Variants in TENM2 observed in about 807,000 individuals in gnomAD.
TENM2 encodes the protein teneurin-2.
A neutral mutation model predicts 245.2 loss-of-function variants in TENM2; 52 were observed. That is an observed-to-expected ratio of 0.21 (90% confidence interval 0.17 to 0.27). The LOEUF is 0.27. Among genes scored for constraint, TENM2 ranks in the 10% least tolerant of loss-of-function variants. The pLI, the probability that TENM2 is intolerant of heterozygous loss-of-function variation, is 1.00. For missense variants in TENM2, 3,046 were observed against 3,666.8 expected (o/e 0.83, Z 4.37); for synonymous variants, 1,363 against 1,438.9 (o/e 0.95, Z 1.19).
intron 2 of TENM2, among the ~76,000 whole-genome samples, chr5:167,498,144 C>A (rs566711336): frequency 6.6e-6 from 1 of 152,116 alleles, no homozygotes; most frequent in Non-Finnish European, 1.5e-5. Flanking sequence ...GAGCAGCATG[C>A]TTTTAATGTT....
intron 2 of TENM2, among the ~76,000 whole-genome samples, chr5:167,464,638 T>G (rs2127498225): frequency 6.6e-6 from 1 of 152,288 alleles, no homozygotes; most frequent in Middle Eastern, 3.4e-3. Context: ...GAGCTATAAA[T>G]GCACTCACCT....
chr5:167,142,473 A>T, the TENM2 span, among the ~76,000 whole-genome samples: 1 of 151,474 alleles, frequency 6.6e-6, no homozygotes, highest in Non-Finnish European at 1.5e-5. Flanking sequence ...TATATATATA[A>T]ATAATAAATA....
intron 1 of TENM2, among the ~76,000 whole-genome samples, chr5:167,342,507 CTTTTTTTTTT>C (rs35451881): frequency 6.8e-4 from 37 of 54,290 alleles, no homozygotes; most frequent in African/African-American, 1.7e-3. Context: ...TAAAGTTATT[CTTTTTTTTTT>C]TTTTTTTTTT....
At chr5:166,987,613 A>G in the TENM2 span, among the ~76,000 whole-genome samples, 1 of 152,130 alleles carries the variant, frequency 6.6e-6, no homozygotes, top group Non-Finnish European at 1.5e-5. Flanking sequence ...TAAACTGTGT[A>G]TCCTTGCCAG....
At chr5:167,787,977 C>T (rs1764696634) in intron 2 of TENM2, among the ~76,000 whole-genome samples, 1 of 152,178 alleles carries the variant, frequency 6.6e-6, no homozygotes. Flanking sequence ...CTTGATATGC[C>T]TTTAAAAATA....
At chr5:167,282,084 C>T (rs186713171), upstream of TENM2, among the ~76,000 whole-genome samples, 125 of 151,844 alleles carry the variant, frequency 8.2e-4, no homozygotes, top group Admixed American at 1.5e-3. Context: ...AGCATACACA[C>T]GCATACATAC....
At chr5:168,164,254 G>A (rs561939385) in intron 13 of TENM2, among the ~76,000 whole-genome samples, 1 of 152,198 alleles carries the variant, frequency 6.6e-6, no homozygotes, top group Non-Finnish European at 1.5e-5. Flanking sequence ...TTGTCTTGGG[G>A]TGATTTTTTG....
At chr5:167,035,300 A>G in the TENM2 span, among the ~76,000 whole-genome samples, 91 of 152,312 alleles carry the variant, frequency 6.0e-4, no homozygotes, top group African/African-American at 2.1e-3. Context: ...CAATATACAC[A>G]TTGGTTTGAT....
At chr5:167,368,660 T>A (rs1760209006) in intron 1 of TENM2, among the ~76,000 whole-genome samples, 1 of 152,154 alleles carries the variant, frequency 6.6e-6, no homozygotes. Flanking sequence ...TGGGATACTG[T>A]GTCTTGACAG....
intron 2 of TENM2, among the ~76,000 whole-genome samples, chr5:167,780,427 G>T (rs1484209858): frequency 2.6e-5 from 4 of 152,130 alleles, no homozygotes; most frequent in African/African-American, 9.7e-5. Flanking sequence ...CTCTCATATC[G>T]TAAACAAGTG....
At chr5:167,361,251 T>C (rs1340320036) in intron 1 of TENM2, among the ~76,000 whole-genome samples, 1 of 152,202 alleles carries the variant, frequency 6.6e-6, no homozygotes, top group African/African-American at 2.4e-5. Context: ...AAGCGAGCAA[T>C]GAGTATCACT....
chr5:168,181,932 C>T (rs557033214), intron 13 of TENM2, among the ~76,000 whole-genome samples: 9 of 151,724 alleles, frequency 5.9e-5, no homozygotes, highest in African/African-American at 1.7e-4. Context: ...CTGCCTCAGC[C>T]GCCCGAACTG....
chr5:168,114,297 C>T (rs1265207061), intron 9 of TENM2, among the ~76,000 whole-genome samples: 1 of 152,134 alleles, frequency 6.6e-6, no homozygotes, highest in East Asian at 1.9e-4. Context: ...GGTTTGGTTT[C>T]GAATCCAGGT....
intron 2 of TENM2, among the ~76,000 whole-genome samples, chr5:167,543,757 A>G (rs541932433): frequency 6.6e-6 from 1 of 152,182 alleles, no homozygotes; most frequent in Admixed American, 6.5e-5. Context: ...GCTTACGGTG[A>G]TTTGCTAGCA....
chr5:167,146,242 G>A, the TENM2 span, among the ~76,000 whole-genome samples: 1 of 152,060 alleles, frequency 6.6e-6, no homozygotes, highest in Non-Finnish European at 1.5e-5. Flanking sequence ...CCTTGCTATC[G>A]TGAATGGCAA....
intron 2 of TENM2, among the ~76,000 whole-genome samples, chr5:167,426,811 T>C (rs750365387): frequency 6.5e-4 from 99 of 152,144 alleles, no homozygotes; most frequent in Admixed American, 1.4e-3. Flanking sequence ...AGGTGAATTC[T>C]AGAAGAAAAA....
At position 167,565,502 on chromosome 5, in the gene TENM2, A is replaced by G. The variant is rs76972648; in HGVS notation, c.502+190029A>G. 7.7e-3 allele frequency among the ~76,000 whole-genome samples: 1,166 copies of G among 152,336 alleles called. 21 individuals are homozygous for G. The highest frequency in any genetic ancestry group is 0.063 in the South Asian group (304 of 4,826). On this transcript the variant is annotated intron_variant, in intron 2 of 28. Coordinates refer to ENST00000518659, the Ensembl canonical transcript of TENM2. ...ACATCACTCTATTAATTGGTGCCCC[A>G]GCAGCTTCCGGAACAACATTTAGCT... is the stretch of plus-strand genomic sequence containing the variant.
chr5:168,134,012 A>T (rs925124049), intron 12 of TENM2, among the ~76,000 whole-genome samples: 1 of 151,986 alleles, frequency 6.6e-6, no homozygotes, highest in Non-Finnish European at 1.5e-5. Context: ...AAAATTAGCC[A>T]GGTATGGTGG....
the TENM2 span, among the ~76,000 whole-genome samples, chr5:167,007,672 TTGTC>T: frequency 5.9e-5 from 9 of 151,824 alleles, no homozygotes; most frequent in Admixed American, 5.3e-4. The surrounding 1 kb of genome is among the most constrained non-coding windows in gnomAD (Gnocchi z 4.2). Flanking sequence ...ATTCATATTG[TTGTC>T]TAACAGGCCC....
Sources: gnomAD v4.1 joint callset for allele counts (sites outside exome capture counted in the v4.1 genomes callset) on GRCh38, gnomAD v4.1.1 for gene constraint, Gnocchi (gnomAD v3.1) non-coding constraint, MANE v1.5 for transcripts, NCBI Gene and HGNC (gene_info 2026-07-23, HGNC 2026-07-21) for gene names.